SLIT3: variants seen among roughly 807,000 people sequenced by gnomAD.
SLIT3 encodes slit guidance ligand 3, also known as slit homolog 3 protein.
Under a neutral mutation model 184.0 loss-of-function variants are expected in SLIT3, and 68 were observed. The observed-to-expected ratio is 0.37, with a 90% CI of 0.30 to 0.45. The LOEUF (loss-of-function observed/expected upper bound fraction) is 0.45, where lower values mean the gene tolerates loss of function less well. Among genes scored for constraint, SLIT3 ranks in the 20% least tolerant of loss-of-function variants. SLIT3 has a pLI of 1.00. For synonymous variants in SLIT3, 831 were observed against 828.6 expected (o/e 1.00, Z -0.05); for missense variants, 1,707 against 2,026.0 (o/e 0.84, Z 3.02).
chr5:169,107,015 C>T (rs1267111542), intron 4 of SLIT3, among the ~76,000 whole-genome samples: 3 of 152,226 alleles, frequency 2.0e-5, no homozygotes, highest in African/African-American at 7.2e-5. Flanking sequence ...CACCTGGCAG[C>T]CCCTAATCCA....
intron 23 of SLIT3, among the ~76,000 whole-genome samples, chr5:168,718,585 T>C (rs1291795657): frequency 6.6e-6 from 1 of 151,898 alleles, no homozygotes; most frequent in African/African-American, 2.4e-5. Context: ...CGGAGCCAAG[T>C]AGAAAAAGCA....
intron 4 of SLIT3, among the ~76,000 whole-genome samples, chr5:169,176,629 GAGA>G (rs1424722179): frequency 6.6e-6 from 1 of 152,184 alleles, no homozygotes; most frequent in Non-Finnish European, 1.5e-5. Flanking sequence ...ATAAGGATCA[GAGA>G]TCAGTAACAT....
intron 4 of SLIT3, among the ~76,000 whole-genome samples, chr5:169,147,529 G>A (rs995443086): frequency 6.6e-6 from 1 of 152,194 alleles, no homozygotes; most frequent in Non-Finnish European, 1.5e-5. Flanking sequence ...AAAGTGCTGG[G>A]ATTACAGTCA....
In SLIT3 at chr5:169,032,922, AT is replaced by A. The variant is rs199911562; in HGVS notation, c.414-149587del. 7.6e-3 allele frequency among the ~76,000 whole-genome samples: 670 copies of A among 88,094 alleles called. 3 individuals are homozygous for A. The highest frequency in any genetic ancestry group is 0.014 in the African/African-American group (340 of 24,288). 57.8% of individuals were successfully genotyped at this position (88,094 alleles called of 152,430 possible). A position where few individuals can be genotyped will look rare whatever the true frequency, so the allele number is the denominator to read the frequency against. On this transcript the variant is annotated intron_variant, in intron 4 of 35. Coordinates refer to ENST00000519560, the MANE Select transcript of SLIT3 (RefSeq NM_003062.4). ...TCTCATAAGTATCCATTTTTCCTTG[AT>A]TTTTTTTTTTTTTTTTTTTTTTTTT...
intron 4 of SLIT3, among the ~76,000 whole-genome samples, chr5:169,058,486 TG>T: frequency 6.6e-6 from 1 of 152,294 alleles, no homozygotes; most frequent in East Asian, 1.9e-4. Context: ...TGGGAGAAGC[TG>T]GGGAACAGGG....
chr5:168,690,783 T>C (rs975898668), intron 29 of SLIT3, among the ~76,000 whole-genome samples: 1 of 104,464 alleles, frequency 9.6e-6, no homozygotes, highest in Non-Finnish European at 1.9e-5. Flanking sequence ...GGGCTGAAGC[T>C]TCATTTGGTC....
intron 4 of SLIT3, among the ~76,000 whole-genome samples, chr5:169,179,919 C>T (rs565203549): frequency 6.6e-6 from 1 of 152,198 alleles, no homozygotes; most frequent in South Asian, 2.1e-4. Flanking sequence ...ACTGTAGAGT[C>T]AACAAAACAG....
At chr5:168,772,324 G>C (rs1755584204) in intron 14 of SLIT3, 1 of 179,552 alleles carries the variant, frequency 5.6e-6, no homozygotes, top group South Asian at 1.2e-4. Flanking sequence ...CTGTACCATG[G>C]TCTGTCTCCG....
At chr5:168,824,780 C>G (rs2113672769) in intron 6 of SLIT3, among the ~76,000 whole-genome samples, 1 of 152,322 alleles carries the variant, frequency 6.6e-6, no homozygotes, top group Middle Eastern at 3.4e-3. Flanking sequence ...ACTCAACAAT[C>G]CAATTCCTCT....
chr5:169,159,661 A>C (rs775911735), intron 4 of SLIT3, among the ~76,000 whole-genome samples: 2 of 152,154 alleles, frequency 1.3e-5, no homozygotes, highest in Non-Finnish European at 2.9e-5. Flanking sequence ...CTGTAGGCCC[A>C]GCTACTCGGG....
At chr5:168,972,081 G>T (rs566696095) in intron 4 of SLIT3, among the ~76,000 whole-genome samples, 1 of 152,336 alleles carries the variant, frequency 6.6e-6, no homozygotes, top group East Asian at 1.9e-4. Context: ...TCCCTCTGGG[G>T]AGGTGATGAC....
At chr5:169,054,724 G>A (rs1398179943) in intron 4 of SLIT3, among the ~76,000 whole-genome samples, 1 of 152,180 alleles carries the variant, frequency 6.6e-6, no homozygotes, top group Non-Finnish European at 1.5e-5. Context: ...GCGGAACGAC[G>A]TCTGCCAGCC....
intron 4 of SLIT3, among the ~76,000 whole-genome samples, chr5:169,102,278 C>A (rs1011780751): frequency 6.6e-6 from 1 of 152,152 alleles, no homozygotes; most frequent in African/African-American, 2.4e-5. Flanking sequence ...GCCACTGCAG[C>A]CAAATCTCCT....
chr5:169,156,679 G>A (rs1762317767), intron 4 of SLIT3, among the ~76,000 whole-genome samples: 1 of 152,234 alleles, frequency 6.6e-6, no homozygotes, highest in Non-Finnish European at 1.5e-5. Flanking sequence ...AAACCACCAG[G>A]TGGCTCAAGT....
At position 168,942,526 on chromosome 5, in the gene SLIT3, T is replaced by C. The variant is rs144264087; in HGVS notation, c.414-59190A>G. ...CACATTTCTTTCTGGGGAAGAGGGG[T>C]AGACAGAATCATTAGTCTACAGCAT... On this transcript the variant is annotated intron_variant, in intron 4 of 35. Coordinates refer to ENST00000519560, the MANE Select transcript of SLIT3 (RefSeq NM_003062.4). Among the ~76,000 whole-genome samples the C allele has an allele frequency of 3.3e-5, 5 of 152,312 alleles. No individual in the cohort carries two copies. In the East Asian group the frequency reaches 9.6e-4, roughly 29 times the overall value.
chr5:168,909,373 T>C (rs968189708), intron 4 of SLIT3, among the ~76,000 whole-genome samples: 22 of 152,162 alleles, frequency 1.4e-4, no homozygotes, highest in African/African-American at 2.4e-5. Context: ...CTTTGCAAAC[T>C]CCAGATATCC....
At chr5:168,666,743 A>G (rs866629869) in intron 35 of SLIT3, 54 bp from the exon 36 acceptor site, 2 of 1,612,406 alleles carry the variant, frequency 1.2e-6, no homozygotes, top group African/African-American at 2.7e-5. Flanking sequence ...CAGCAGGACC[A>G]TGAGCAGTTC....
At chr5:169,132,641 G>C (rs751994100) in intron 4 of SLIT3, among the ~76,000 whole-genome samples, 5 of 152,088 alleles carry the variant, frequency 3.3e-5, no homozygotes, top group Non-Finnish European at 7.4e-5. Context: ...CAGGAACCAG[G>C]ACTTCTCAAA....
intron 6 of SLIT3, among the ~76,000 whole-genome samples, chr5:168,841,713 A>G (rs1758258974): frequency 6.6e-6 from 1 of 152,186 alleles, no homozygotes; most frequent in African/African-American, 2.4e-5. Flanking sequence ...TTCCATCCAC[A>G]GGAGGGATGG....
Sources: gnomAD v4.1 joint callset for allele counts (sites outside exome capture counted in the v4.1 genomes callset) on GRCh38, gnomAD v4.1.1 for gene constraint, MANE v1.5 for transcripts, NCBI Gene and HGNC (gene_info 2026-07-23, HGNC 2026-07-21) for gene names.